MAD1L1: variants seen among roughly 807,000 people sequenced by gnomAD.
MAD1L1 encodes mitotic arrest deficient 1 like 1.
In MAD1L1, 95 loss-of-function variants were observed where a neutral mutation model predicts 96.9. That is an observed-to-expected ratio of 0.98 (90% CI 0.83 to 1.16). The LOEUF is 1.16. MAD1L1 is among the 50% of genes most tolerant of loss of function. The pLI is 0.00. For synonymous variants in MAD1L1, 473 were observed against 396.6 expected, an observed-to-expected ratio of 1.19 and a Z score of -2.29; for missense variants, 1,007 against 954.4, an observed-to-expected ratio of 1.06 and a Z score of -0.73.
chr7:1,916,720 G>T (rs1208479271), intron 17 of MAD1L1, among the ~76,000 whole-genome samples: 2 of 152,062 alleles, frequency 1.3e-5, no homozygotes, highest in Non-Finnish European at 2.9e-5. Flanking sequence ...GTGTCTTGTT[G>T]CCTCCCTGCA....
At chr7:2,218,170 C>G in intron 6 of MAD1L1, 127 bp from the exon 7 acceptor site, 2 of 700,494 alleles carry the variant, frequency 2.9e-6, no homozygotes, top group Non-Finnish European at 5.1e-6. Context: ...TTCAGGACCT[C>G]CCACGGCACA....
intron 15 of MAD1L1, among the ~76,000 whole-genome samples, chr7:1,960,130 G>C (rs572297800): frequency 6.6e-6 from 1 of 151,716 alleles, no homozygotes; most frequent in African/African-American, 2.4e-5. Flanking sequence ...GTAAGTTAAA[G>C]ATGTATACTA....
intron 18 of MAD1L1, among the ~76,000 whole-genome samples, chr7:1,887,797 ATGTGGCTGCC>A (rs1188796850): frequency 2.1e-5 from 2 of 93,188 alleles, no homozygotes; most frequent in Non-Finnish European, 4.1e-5. Flanking sequence ...GTGTGCATGT[ATGTGGCTGCC>A]TGTGTGTGTG....
intron 18 of MAD1L1, among the ~76,000 whole-genome samples, chr7:1,854,920 C>CA (rs1784167695): frequency 6.6e-6 from 1 of 152,252 alleles, no homozygotes; most frequent in Non-Finnish European, 1.5e-5. Context: ...CCGTGAGGCC[C>CA]AGAGGCCTGA....
chr7:2,182,888 AC>A (rs1216580779), intron 10 of MAD1L1, among the ~76,000 whole-genome samples: 2 of 152,182 alleles, frequency 1.3e-5, no homozygotes, highest in African/African-American at 2.4e-5. Context: ...TGAGTGTACA[AC>A]CTTACAAATA....
chr7:1,895,272 T>C (rs1269603859), intron 18 of MAD1L1, among the ~76,000 whole-genome samples: 2 of 152,206 alleles, frequency 1.3e-5, no homozygotes, highest in African/African-American at 2.4e-5. Context: ...CCATGATGGA[T>C]GTGCCAGGAA....
intron 12 of MAD1L1, among the ~76,000 whole-genome samples, chr7:2,031,052 C>T (rs1783203429): frequency 6.6e-6 from 1 of 152,220 alleles, no homozygotes. Context: ...GGAGAAAAAA[C>T]GGTCCCCAGC....
At chr7:2,067,725 C>T (rs1445785855) in intron 12 of MAD1L1, among the ~76,000 whole-genome samples, 1 of 152,248 alleles carries the variant, frequency 6.6e-6, no homozygotes, top group Non-Finnish European at 1.5e-5. Flanking sequence ...TTTGTGATGA[C>T]CTGCCTTCTC....
intron 16 of MAD1L1, among the ~76,000 whole-genome samples, chr7:1,956,792 C>T (rs969277860): frequency 6.6e-6 from 1 of 152,364 alleles, no homozygotes; most frequent in African/African-American, 2.4e-5. Context: ...GTGCTGGCAC[C>T]GCACTCACCC....
intron 18 of MAD1L1, among the ~76,000 whole-genome samples, chr7:1,884,081 A>G (rs957468959): frequency 4.7e-4 from 68 of 143,468 alleles, no homozygotes; most frequent in African/African-American, 1.6e-3. Context: ...TCGAGAGAGC[A>G]TGTGGCCAAC....
intron 11 of MAD1L1, among the ~76,000 whole-genome samples, chr7:2,075,395 G>A (rs555476176): frequency 9.8e-5 from 15 of 152,300 alleles, no homozygotes; most frequent in South Asian, 2.1e-4. Context: ...CACCAGCGAC[G>A]GCGGGCTCTC....
intron 10 of MAD1L1, among the ~76,000 whole-genome samples, chr7:2,198,958 G>A (rs555655035): frequency 4.6e-5 from 7 of 152,266 alleles, no homozygotes; most frequent in East Asian, 1.9e-4. Context: ...AGAGAGACGC[G>A]CTGTGGGGCC....
chr7:1,925,893 A>C (rs575394232), intron 17 of MAD1L1, among the ~76,000 whole-genome samples: 179 of 152,328 alleles, frequency 1.2e-3, no homozygotes, highest in Middle Eastern at 3.4e-3. Flanking sequence ...AAGGAGAGCA[A>C]ACTAAAACTA....
In MAD1L1 at chr7:2,138,578, G is replaced by A. The variant is rs568667881; in HGVS notation, c.1073+10574C>T. Among the ~76,000 whole-genome samples the A allele has an allele frequency of 1.7e-4, 26 of 152,330 alleles. No homozygotes were observed. The South Asian group carries it at 2.3e-3, about 13-fold the overall frequency. ...TCCGGCTTGTTAGGAGAAGTCAGCC[G>A]GAGGGGAAGCAGCAGATGGGGCCTC... On this transcript the variant is annotated intron_variant, in intron 11 of 18. Transcript: ENST00000265854.
intron 18 of MAD1L1, among the ~76,000 whole-genome samples, chr7:1,853,634 C>T (rs1025549490): frequency 4.6e-5 from 7 of 152,196 alleles, no homozygotes; most frequent in Non-Finnish European, 8.8e-5. Context: ...CTGTCCCCGC[C>T]GCCCTGCACA....
intron 11 of MAD1L1, among the ~76,000 whole-genome samples, chr7:2,091,591 G>C (rs938228688): frequency 7.2e-5 from 11 of 152,268 alleles, no homozygotes; most frequent in South Asian, 2.1e-4. Context: ...CTGGCTAACA[G>C]GGTGAAACCC....
At chr7:1,863,627 C>T (rs888547310) in intron 18 of MAD1L1, among the ~76,000 whole-genome samples, 1 of 152,216 alleles carries the variant, frequency 6.6e-6, no homozygotes, top group Non-Finnish European at 1.5e-5. Context: ...CTGCCCACAC[C>T]CCACGCGCTG....
chr7:1,820,973 T>C (rs1170361198), intron 18 of MAD1L1, among the ~76,000 whole-genome samples: 1 of 148,322 alleles, frequency 6.7e-6, no homozygotes, highest in Non-Finnish European at 1.5e-5. Context: ...CCCAGCTCCT[T>C]GGGAGGCTGA....
chr7:2,158,787 A>C (rs1789962688), intron 10 of MAD1L1, among the ~76,000 whole-genome samples: 1 of 151,918 alleles, frequency 6.6e-6, no homozygotes, highest in African/African-American at 2.4e-5. Flanking sequence ...TGTTTTCCTG[A>C]AGACAGGGGA....
Sources: gnomAD v4.1 joint callset for allele counts (sites outside exome capture counted in the v4.1 genomes callset) on GRCh38, gnomAD v4.1.1 for gene constraint, MANE v1.5 for transcripts, NCBI Gene and HGNC (gene_info 2026-07-23, HGNC 2026-07-21) for gene names.